The following SHROOM3 variants were observed in gnomAD, a reference collection of about 807,000 sequenced individuals.
The protein encoded by SHROOM3 is shroom family member 3, also known as protein Shroom3.
SHROOM3 carries 47 observed loss-of-function variants against 138.6 expected under a neutral mutation model. The ratio of observed to expected loss-of-function variants is 0.34; its 90% CI spans 0.27 to 0.43. The LOEUF (loss-of-function observed/expected upper bound fraction) is 0.43. Ranked by LOEUF, SHROOM3 falls within the 20% of genes least tolerant of loss-of-function variation. The pLI is 1.00. For synonymous variants in SHROOM3, 1,062 were observed against 1,063.3 expected, an observed-to-expected ratio of 1.00 and a Z score of 0.02; for missense variants, 2,491 against 2,596.5, an observed-to-expected ratio of 0.96 and a Z score of 0.88.
intron 2 of SHROOM3, chr4:76,689,664 A>G: frequency 1.0e-6 from 1 of 985,054 alleles, no homozygotes; most frequent in South Asian, 4.7e-5. Context: ...TGGAGCCCCG[A>G]GCAGCCCGGG....
At chr4:76,724,935 G>C (rs1720656030) in intron 3 of SHROOM3, among the ~76,000 whole-genome samples, 1 of 152,104 alleles carries the variant, frequency 6.6e-6, no homozygotes, top group South Asian at 2.1e-4. Context: ...GATATACACT[G>C]GTGGGCTATT....
At chr4:76,442,959 G>A (rs1231117846) in intron 1 of SHROOM3, among the ~76,000 whole-genome samples, 1 of 152,148 alleles carries the variant, frequency 6.6e-6, no homozygotes, top group East Asian at 1.9e-4. Context: ...AGCTACCTAG[G>A]CCAGTGTGCA....
chr4:76,757,471 G>A (rs1342750552), intron 8 of SHROOM3, among the ~76,000 whole-genome samples: 6 of 152,196 alleles, frequency 3.9e-5, no homozygotes, highest in South Asian at 2.1e-4. Flanking sequence ...CTCAGAGCTC[G>A]GTGCTGGGAA....
At chr4:76,615,604 G>GT (rs1734857316) in intron 2 of SHROOM3, among the ~76,000 whole-genome samples, 1 of 152,186 alleles carries the variant, frequency 6.6e-6, no homozygotes, top group Admixed American at 6.5e-5. Context: ...CTGTAGTCAT[G>GT]TGAAGGAGTG....
At chr4:76,539,386 C>T (rs1057114008) in intron 1 of SHROOM3, among the ~76,000 whole-genome samples, 8 of 152,168 alleles carry the variant, frequency 5.3e-5, no homozygotes, top group African/African-American at 1.9e-4. Flanking sequence ...TCCAGATTGG[C>T]ATAGAGTCAC....
At chr4:76,677,997 A>G (rs1365765126) in intron 2 of SHROOM3, among the ~76,000 whole-genome samples, 1 of 152,210 alleles carries the variant, frequency 6.6e-6, no homozygotes, top group Non-Finnish European at 1.5e-5. Flanking sequence ...AAGTACTCTG[A>G]AGAGTTATCG....
intron 1 of SHROOM3, among the ~76,000 whole-genome samples, chr4:76,515,893 G>C (rs1413374665): frequency 6.6e-6 from 1 of 152,182 alleles, no homozygotes; most frequent in African/African-American, 2.4e-5. Flanking sequence ...ATTAATTTGA[G>C]ATATTAGGCA....
rs776858996 is a variant in SHROOM3 at position 76,741,499 on chromosome 4, C to T, written c.3326C>T (p.Pro1109Leu). The change falls in exon 5 of 11, where the codon CCC (proline) becomes CTC (leucine). Residue 1109 changes from proline (P) to leucine (L), a missense_variant. By Grantham distance (98) the Pro-to-Leu change is moderately conservative. This residue lies in a region of SHROOM3 where 1,733 missense variants were observed against 1,661.6 expected (regional missense o/e 1.04). Coordinates refer to ENST00000296043, the MANE Select transcript of SHROOM3 (RefSeq NM_020859.4). This position sits in a 1 kb window ranked among gnomAD's most constrained non-coding sequence, Gnocchi z 6.2. ...GCCGCCGGCTGCAGCCTCCAGGAGCCCGGGCCACTGCGTGAGCGCGCCCAG... is the reference window on the plus strand; with the variant it reads ...GCCGCCGGCTGCAGCCTCCAGGAGCTCGGGCCACTGCGTGAGCGCGCCCAG... ...TSAAGCSLQEPGPLRERAQSA... is the reference protein window; with the variant it reads ...TSAAGCSLQELGPLRERAQSA... The T allele has an allele frequency of 1.9e-6, 3 of 1,556,070 alleles. No homozygotes were observed. The highest frequency in any genetic ancestry group is 4.8e-5 in the East Asian group (2 of 41,900).
intron 6 of SHROOM3, among the ~76,000 whole-genome samples, chr4:76,752,474 CT>C (rs200154141): frequency 6.2e-4 from 89 of 144,516 alleles, no homozygotes; most frequent in Admixed American, 8.3e-4. Flanking sequence ...AATGCTTTTT[CT>C]TTTTTTTTTT....
chr4:76,773,062 T>G (rs1323163614), intron 10 of SHROOM3, among the ~76,000 whole-genome samples: 1 of 152,094 alleles, frequency 6.6e-6, no homozygotes. Flanking sequence ...ATACAGTGAT[T>G]GCTTGGTTTT....
At chr4:76,479,907 C>G (rs935681541) in intron 1 of SHROOM3, among the ~76,000 whole-genome samples, 1 of 152,140 alleles carries the variant, frequency 6.6e-6, no homozygotes, top group African/African-American at 2.4e-5. Context: ...AAATAAAATC[C>G]TTTACAGACG....
intron 1 of SHROOM3, among the ~76,000 whole-genome samples, chr4:76,527,942 A>G (rs1259064599): frequency 6.6e-6 from 1 of 152,188 alleles, no homozygotes; most frequent in Non-Finnish European, 1.5e-5. Context: ...TTTAGACGCC[A>G]AGGTTCTTCA....
intron 3 of SHROOM3, among the ~76,000 whole-genome samples, chr4:76,726,699 C>T (rs1421743430): frequency 6.6e-6 from 1 of 151,934 alleles, no homozygotes; most frequent in African/African-American, 2.4e-5. Context: ...GATGCCACCA[C>T]ACCCAGCTAA....
In SHROOM3 at chr4:76,678,303, C is replaced by A. The variant is rs543283566; in HGVS notation, c.324-31853C>A. 8.5e-5 allele frequency among the ~76,000 whole-genome samples: 13 copies of A among 152,200 alleles called. No homozygotes were observed. In the South Asian group the frequency reaches 1.7e-3, roughly 19 times the overall value. ...ACATAGAGCACCAAATAAGACTTAG[C>A]CCCTTTTAGAAAATTTGTGGACATT... On this transcript the variant is annotated intron_variant, in intron 2 of 10. Transcript: ENST00000296043.
chr4:76,464,862 C>A (rs546427476), intron 1 of SHROOM3, among the ~76,000 whole-genome samples: 1 of 152,266 alleles, frequency 6.6e-6, no homozygotes, highest in Admixed American at 6.5e-5. Flanking sequence ...TAAGGCCTTC[C>A]AGCTGTGCTT....
At chr4:76,483,219 C>T (rs192016020) in intron 1 of SHROOM3, among the ~76,000 whole-genome samples, 1 of 152,252 alleles carries the variant, frequency 6.6e-6, no homozygotes, top group East Asian at 1.9e-4. Context: ...AGGCAACCTA[C>T]AGAATGAGAG....
chr4:76,536,832 G>C (rs1479109208), intron 1 of SHROOM3, among the ~76,000 whole-genome samples: 1 of 152,212 alleles, frequency 6.6e-6, no homozygotes, highest in African/African-American at 2.4e-5. Context: ...TGCAGGCAAG[G>C]CTGGGCGTGA....
intron 1 of SHROOM3, among the ~76,000 whole-genome samples, chr4:76,475,224 T>C (rs1421927113): frequency 6.6e-6 from 1 of 152,186 alleles, no homozygotes; most frequent in Non-Finnish European, 1.5e-5. Flanking sequence ...AAAGAGGTGA[T>C]AGATAAAATG....
At chr4:76,482,969 CCCTT>C (rs1731649518) in intron 1 of SHROOM3, among the ~76,000 whole-genome samples, 1 of 152,088 alleles carries the variant, frequency 6.6e-6, no homozygotes, top group Admixed American at 6.6e-5. Context: ...GAAACTGGAC[CCCTT>C]CCTTACACCT....
Sources: allele counts gnomAD v4.1 joint callset (sites outside exome capture counted in the v4.1 genomes callset), GRCh38; gene constraint gnomAD v4.1.1; regional missense constraint gnomAD v4.1.1; non-coding constraint Gnocchi (gnomAD v3.1); transcripts MANE v1.5; gene names NCBI Gene and HGNC (gene_info 2026-07-23, HGNC 2026-07-21).